Variants in MCM9 observed in about 807,000 individuals in gnomAD.
MCM9 encodes the protein DNA helicase MCM9.
MCM9 carries 55 observed loss-of-function variants against 72.8 expected under a neutral mutation model. The ratio of observed to expected loss-of-function variants is 0.76; its 90% CI spans 0.61 to 0.95. MCM9 has a LOEUF of 0.95. MCM9 is among the 40% of genes least tolerant of loss of function. MCM9 has a pLI of 0.00. For synonymous variants in MCM9, 480 were observed against 503.4 expected, an observed-to-expected ratio of 0.95 and a Z score of 0.62; for missense variants, 1,279 against 1,377.0, an observed-to-expected ratio of 0.93 and a Z score of 1.13.
chr6:118,827,623 A>G (rs936747480), intron 11 of MCM9, among the ~76,000 whole-genome samples: 2 of 152,192 alleles, frequency 1.3e-5, no homozygotes, highest in African/African-American at 4.8e-5. Flanking sequence ...ATGCTAACAG[A>G]GCTACCACTG....
In MCM9 at chr6:118,869,742, T is replaced by C. The variant is rs905894823; in HGVS notation, c.1151-13197A>G. 2.0e-5 allele frequency among the ~76,000 whole-genome samples: 3 copies of C among 151,514 alleles called. No individual in the cohort carries two copies. In the South Asian group the frequency reaches 6.3e-4, roughly 32 times the overall value. On this transcript the variant is annotated intron_variant, in intron 8 of 13. Coordinates refer to ENST00000619706, the MANE Select transcript of MCM9 (RefSeq NM_017696.3). Reference sequence around the variant, plus strand: ...CTGAATGGATAAAAAAGACCTAACATAGGATGCCTACAAGAGACTCACTTT... The same window carrying C: ...CTGAATGGATAAAAAAGACCTAACACAGGATGCCTACAAGAGACTCACTTT...
intron 13 of MCM9, among the ~76,000 whole-genome samples, chr6:118,823,891 TAATTC>T (rs1302600934): frequency 6.6e-6 from 1 of 151,890 alleles, no homozygotes; most frequent in African/African-American, 2.4e-5. Context: ...GTTTTCTAAT[TAATTC>T]ATCACTGCTA....
chr6:118,922,211 G>A (rs1781488369), intron 4 of MCM9, 125 bp from the exon 5 acceptor site: 8 of 620,636 alleles, frequency 1.3e-5, no homozygotes, highest in South Asian at 3.2e-5. Context: ...ATTATAATGG[G>A]GATTTAAGTA....
chr6:118,857,752 T>C (rs974675524), intron 8 of MCM9, among the ~76,000 whole-genome samples: 2 of 151,794 alleles, frequency 1.3e-5, no homozygotes, highest in Non-Finnish European at 2.9e-5. Context: ...CTCTATGCCA[T>C]ACATTTGATA....
intron 8 of MCM9, among the ~76,000 whole-genome samples, chr6:118,889,130 CA>C (rs1778790037): frequency 1.3e-5 from 2 of 152,206 alleles, no homozygotes; most frequent in South Asian, 2.1e-4. Context: ...GTAATCATAC[CA>C]GGGGGTACTT....
intron 8 of MCM9, among the ~76,000 whole-genome samples, chr6:118,899,376 CTTCCTTTCATTCTG>C (rs1475112825): frequency 3.3e-5 from 5 of 152,188 alleles, no homozygotes; most frequent in Non-Finnish European, 7.3e-5. Flanking sequence ...TGCTTTCCTC[CTTCCTTTCATTCTG>C]CTCCAGCCCT....
rs1780281628 is a variant in MCM9 at position 118,907,886 on chromosome 6, T to C, written c.1150+3764A>G. 4 of 275,852 alleles carry C rather than the reference T, an allele frequency of 1.5e-5. No individual in the cohort carries two copies. In the South Asian group the frequency reaches 1.9e-4, roughly 13 times the overall value. 17.1% of individuals were successfully genotyped at this position (275,852 alleles called of 1,614,324 possible). A position where few individuals can be genotyped will look rare whatever the true frequency, so the allele number is the denominator to read the frequency against. The stretch of plus-strand genomic sequence containing the variant: ...TTATTTTCTTCTCCTTTATATGTAA[T>C]GAAAGCACTTATAAAGAAACAGGAA... On this transcript the variant is annotated intron_variant, in intron 8 of 13. Transcript: ENST00000619706.
intron 8 of MCM9, among the ~76,000 whole-genome samples, chr6:118,879,335 A>C (rs1183078539): frequency 6.6e-6 from 1 of 152,180 alleles, no homozygotes; most frequent in Non-Finnish European, 1.5e-5. Context: ...TTAAAAGTGA[A>C]AGGATGGAGA....
intron 9 of MCM9, among the ~76,000 whole-genome samples, chr6:118,846,094 T>C (rs1775843682): frequency 6.6e-6 from 1 of 151,760 alleles, no homozygotes; most frequent in Admixed American, 6.6e-5. Context: ...ATTTAAGAGT[T>C]AAATAATATA....
chr6:118,879,572 T>C (rs899336121), intron 8 of MCM9, among the ~76,000 whole-genome samples: 4 of 152,222 alleles, frequency 2.6e-5, no homozygotes, highest in Non-Finnish European at 5.9e-5. Flanking sequence ...TTTGTTTACA[T>C]ACTGTCTATG....
intron 8 of MCM9, among the ~76,000 whole-genome samples, chr6:118,869,894 A>C (rs1024201938): frequency 6.6e-6 from 1 of 152,210 alleles, no homozygotes; most frequent in Non-Finnish European, 1.5e-5. Context: ...AAAAACTGCA[A>C]AAAGAGACAA....
chr6:118,842,418 G>C (rs1048948459), intron 9 of MCM9, among the ~76,000 whole-genome samples: 1 of 152,154 alleles, frequency 6.6e-6, no homozygotes, highest in Middle Eastern at 3.2e-3. Context: ...ATCATATCAA[G>C]TTATTCAAAT....
At chr6:118,846,975 A>C (rs1002845974) in intron 9 of MCM9, among the ~76,000 whole-genome samples, 12 of 151,862 alleles carry the variant, frequency 7.9e-5, no homozygotes, top group African/African-American at 2.9e-4. Flanking sequence ...AAAGCAAAGG[A>C]AATCTGTAAC....
At chr6:118,898,449 C>T (rs980089579) in intron 8 of MCM9, among the ~76,000 whole-genome samples, 1 of 138,608 alleles carries the variant, frequency 7.2e-6, no homozygotes, top group African/African-American at 2.8e-5. Context: ...TTTTTGGAGA[C>T]AATCTCGTTC....
chr6:118,905,827 AG>A, intron 8 of MCM9: 2 of 1,596,948 alleles, frequency 1.3e-6, no homozygotes, highest in Non-Finnish European at 1.7e-6. Context: ...GACTTTTCTA[AG>A]GTAATGTTCT....
At chr6:118,881,479 T>C (rs914300423) in intron 8 of MCM9, among the ~76,000 whole-genome samples, 1 of 152,210 alleles carries the variant, frequency 6.6e-6, no homozygotes, top group African/African-American at 2.4e-5. Context: ...CGGAATTTAT[T>C]GTATAAGTAT....
intron 9 of MCM9, among the ~76,000 whole-genome samples, chr6:118,830,195 A>G (rs1774449769): frequency 6.6e-6 from 1 of 152,222 alleles, no homozygotes; most frequent in African/African-American, 2.4e-5. Context: ...AAAAATTTGA[A>G]TCTGTAAATT....
At chr6:118,886,285 G>A (rs1170350233) in intron 8 of MCM9, among the ~76,000 whole-genome samples, 1 of 151,978 alleles carries the variant, frequency 6.6e-6, no homozygotes, top group African/African-American at 2.4e-5. Context: ...AGAGATGTTT[G>A]CTGTCACTAT....
chr6:118,869,452 G>T (rs960782747), intron 8 of MCM9, among the ~76,000 whole-genome samples: 5 of 151,690 alleles, frequency 3.3e-5, no homozygotes, highest in East Asian at 1.9e-4. Flanking sequence ...ATGGCCTATT[G>T]TAAGTATATT....
Sources: allele counts gnomAD v4.1 joint callset (sites outside exome capture counted in the v4.1 genomes callset), GRCh38; gene constraint gnomAD v4.1.1; transcripts MANE v1.5; gene names NCBI Gene and HGNC (gene_info 2026-07-23, HGNC 2026-07-21).